Variants in PACSIN2 observed in about 807,000 individuals in gnomAD.
PACSIN2 encodes protein kinase C and casein kinase substrate in neurons protein 2.
A neutral mutation model predicts 63.8 loss-of-function variants in PACSIN2; 25 were observed. That is an observed-to-expected ratio of 0.39 (90% CI 0.29 to 0.55). The LOEUF (loss-of-function observed/expected upper bound fraction) is 0.55, where lower values mean the gene tolerates loss of function less well. Ranked by LOEUF, PACSIN2 falls within the 20% of genes least tolerant of loss-of-function variation. The pLI, the probability that PACSIN2 is intolerant of heterozygous loss-of-function variation, is 0.62. For synonymous variants in PACSIN2, 255 were observed against 256.2 expected (o/e 1.00, Z 0.05); for missense variants, 518 against 646.9 (o/e 0.80, Z 2.16).
At chr22:42,897,230 C>A (rs1930353270) in intron 2 of PACSIN2, among the ~76,000 whole-genome samples, 1 of 152,220 alleles carries the variant, frequency 6.6e-6, no homozygotes, top group South Asian at 2.1e-4. Flanking sequence ...AGCCACAGCG[C>A]CTGGCCTGTT....
intron 1 of PACSIN2, among the ~76,000 whole-genome samples, chr22:42,937,694 C>T (rs1475677893): frequency 6.6e-6 from 1 of 152,194 alleles, no homozygotes; most frequent in Non-Finnish European, 1.5e-5. Context: ...TCCCCTAACT[C>T]GGCTCTCCCT....
At chr22:43,014,282 C>A (rs542725662) in intron 1 of PACSIN2, among the ~76,000 whole-genome samples, 6 of 150,408 alleles carry the variant, frequency 4.0e-5, no homozygotes, top group Non-Finnish European at 8.9e-5. Flanking sequence ...GGCCCCAGCC[C>A]TAGGACGTGC....
intron 1 of PACSIN2, among the ~76,000 whole-genome samples, chr22:42,935,177 G>A (rs1364851022): frequency 4.0e-5 from 6 of 151,342 alleles, no homozygotes; most frequent in Non-Finnish European, 8.8e-5. Context: ...TGCCCGTCTC[G>A]GCCTCCCAAA....
intron 1 of PACSIN2, among the ~76,000 whole-genome samples, chr22:42,983,964 C>CTT (rs532427677): frequency 0.018 from 1,845 of 104,546 alleles, 68 homozygotes; most frequent in African/African-American, 0.064. Flanking sequence ...GCACTTAGCA[C>CTT]TTTTTTTTTT....
At chr22:42,916,495 C>T (rs1931818378) in intron 1 of PACSIN2, among the ~76,000 whole-genome samples, 1 of 152,132 alleles carries the variant, frequency 6.6e-6, no homozygotes, top group South Asian at 2.1e-4. Flanking sequence ...TCTCTCCTGC[C>T]CCTGCTCCGG....
At chr22:42,890,771 C>T (rs1190329168) in intron 4 of PACSIN2, among the ~76,000 whole-genome samples, 176 bp downstream of exon 4, 1 of 152,172 alleles carries the variant, frequency 6.6e-6, no homozygotes. Context: ...CATCTTCAAC[C>T]TGGGTAAATG....
chr22:42,894,651 T>C (rs1474235149), intron 2 of PACSIN2, among the ~76,000 whole-genome samples: 3 of 152,216 alleles, frequency 2.0e-5, no homozygotes, highest in Non-Finnish European at 4.4e-5. Flanking sequence ...GAAAAACTAG[T>C]TCATCAAAGT....
In PACSIN2 at chr22:43,009,863, C is replaced by CTTTTTTTTTTTTTTTTTTTTTTTTTT. The variant is rs762256300; in HGVS notation, c.-78+5157_-78+5158insAAAAAAAAAAAAAAAAAAAAAAAAAA. ...TAGTTGAGACATCATTTTATTTTTTCTATTTTTTTTTTTTTTTTTTTTTGA... is the reference window on the plus strand; with the variant it reads ...TAGTTGAGACATCATTTTATTTTTTCTTTTTTTTTTTTTTTTTTTTTTTTTTTATTTTTTTTTTTTTTTTTTTTTGA... On this transcript the variant is annotated intron_variant, in intron 1 of 10. Coordinates refer to ENST00000263246, the MANE Select transcript of PACSIN2 (RefSeq NM_001184970.3). Among the ~76,000 whole-genome samples the CTTTTTTTTTTTTTTTTTTTTTTTTTT allele has an allele frequency of 1.5e-5, 2 of 131,814 alleles. 1 individual carries two copies. Among genetic ancestry groups the CTTTTTTTTTTTTTTTTTTTTTTTTTT allele is most frequent in the African/African-American group, 5.9e-5 (2 of 34,058 alleles). 86.5% of individuals were successfully genotyped at this position (131,814 alleles called of 152,430 possible).
chr22:42,896,258 T>C (rs1423242075), intron 2 of PACSIN2, among the ~76,000 whole-genome samples: 1 of 152,190 alleles, frequency 6.6e-6, no homozygotes, highest in Non-Finnish European at 1.5e-5. Context: ...GAATACACAG[T>C]ATGCAGCCTG....
At chr22:42,940,961 C>T (rs1203933231) in intron 1 of PACSIN2, among the ~76,000 whole-genome samples, 1 of 152,172 alleles carries the variant, frequency 6.6e-6, no homozygotes, top group Non-Finnish European at 1.5e-5. Flanking sequence ...AGTGTGTTCA[C>T]AGAGTTGTGC....
intron 1 of PACSIN2, among the ~76,000 whole-genome samples, chr22:42,966,672 C>T (rs749495670): frequency 2.2e-4 from 33 of 152,156 alleles, no homozygotes; most frequent in Non-Finnish European, 4.4e-4. Flanking sequence ...TTTTCTTATG[C>T]ATTTTATAGA....
intron 1 of PACSIN2, among the ~76,000 whole-genome samples, chr22:42,986,045 C>G (rs1922588086): frequency 6.6e-6 from 1 of 152,200 alleles, no homozygotes; most frequent in Non-Finnish European, 1.5e-5. Flanking sequence ...CTTGACTTTC[C>G]AAACAACGAT....
intron 1 of PACSIN2, chr22:42,946,992 C>T (rs1003642479): frequency 1.3e-5 from 2 of 152,382 alleles, no homozygotes; most frequent in African/African-American, 4.8e-5. Flanking sequence ...CGGCCACATA[C>T]TTCCCGACGA....
chr22:42,891,350 T>C (rs1373032907), intron 3 of PACSIN2, among the ~76,000 whole-genome samples, 168 bp from the exon 4 acceptor site: 1 of 152,206 alleles, frequency 6.6e-6, no homozygotes, highest in Non-Finnish European at 1.5e-5. Flanking sequence ...TTCCCAAAGC[T>C]GAATTTGCTC....
chr22:42,879,242 C>T, intron 7 of PACSIN2, 73 bp from the exon 8 acceptor site: 4 of 1,541,318 alleles, frequency 2.6e-6, no homozygotes, highest in Non-Finnish European at 3.5e-6. Context: ...TCCTCAGTTC[C>T]TGCCCAGCGA....
At position 42,962,778 on chromosome 22, in the gene PACSIN2, G is replaced by GGTGGGGC. The variant is rs71186552; in HGVS notation, c.-77-50622_-77-50621insGCCCCAC. 4.3e-5 allele frequency among the ~76,000 whole-genome samples: 5 copies of GGTGGGGC among 116,396 alleles called. 1 individual carries two copies. Among genetic ancestry groups the GGTGGGGC allele is most frequent in the South Asian group, 6.4e-4 (2 of 3,138 alleles). 76.4% of individuals were successfully genotyped at this position (116,396 alleles called of 152,430 possible). On this transcript the variant is annotated intron_variant, in intron 1 of 10. Transcript: ENST00000263246. ...AGTCACAAGAGCAAGGTGTGGGCGG[G>GGTGGGGC]GGGGGGGGGCGGCGCAGAAAAAGAA...
At chr22:42,952,343 TA>T (rs1352952272) in intron 1 of PACSIN2, among the ~76,000 whole-genome samples, 14 of 151,762 alleles carry the variant, frequency 9.2e-5, no homozygotes, top group Admixed American at 1.3e-4. Flanking sequence ...TTTATTTATT[TA>T]TTTTTTATTT....
At chr22:42,927,709 T>G (rs1235934147) in intron 1 of PACSIN2, among the ~76,000 whole-genome samples, 1 of 152,160 alleles carries the variant, frequency 6.6e-6, no homozygotes, top group South Asian at 2.1e-4. Context: ...TGCCTCAGCC[T>G]CCCGAGTAGC....
intron 1 of PACSIN2, among the ~76,000 whole-genome samples, chr22:42,977,142 CATGG>C (rs1332671852): frequency 4.6e-5 from 7 of 151,970 alleles, no homozygotes; most frequent in Non-Finnish European, 1.0e-4. Flanking sequence ...TCATTTAGAC[CATGG>C]ATGGAAGAAG....
Sources: allele counts gnomAD v4.1 joint callset (sites outside exome capture counted in the v4.1 genomes callset), GRCh38; gene constraint gnomAD v4.1.1; transcripts MANE v1.5; gene names NCBI Gene and HGNC (gene_info 2026-07-23, HGNC 2026-07-21).